KIF6: variants seen among roughly 807,000 people sequenced by gnomAD.
KIF6 encodes the protein kinesin family member 6.
In KIF6, 106 loss-of-function variants were observed where a neutral mutation model predicts 112.7. The ratio of observed to expected loss-of-function variants is 0.94; its 90% CI spans 0.80 to 1.11. The LOEUF (loss-of-function observed/expected upper bound fraction) is 1.11. Among genes scored for constraint, KIF6 ranks in the 50% least tolerant of loss-of-function variants. The pLI, the probability that KIF6 is intolerant of heterozygous loss-of-function variation, is 0.00. For synonymous variants in KIF6, 339 were observed against 339.9 expected, an observed-to-expected ratio of 1.00 and a Z score of 0.03; for missense variants, 929 against 964.0, an observed-to-expected ratio of 0.96 and a Z score of 0.48.
At chr6:39,337,184 T>TTTCC (rs1361180546) in intron 22 of KIF6, among the ~76,000 whole-genome samples, 3 of 89,086 alleles carry the variant, frequency 3.4e-5, no homozygotes, top group African/African-American at 2.5e-4. Context: ...TCTTTCTTTC[T>TTTCC]TTCTTTCTTT....
intron 10 of KIF6, among the ~76,000 whole-genome samples, chr6:39,574,823 A>C (rs985500775): frequency 1.2e-4 from 19 of 152,052 alleles, no homozygotes; most frequent in African/African-American, 4.3e-4. Context: ...TTTTCTTTTA[A>C]CCTTTCTCTT....
At chr6:39,696,809 T>C (rs563107024) in intron 3 of KIF6, among the ~76,000 whole-genome samples, 1 of 152,118 alleles carries the variant, frequency 6.6e-6, no homozygotes, top group South Asian at 2.1e-4. Flanking sequence ...CATCTCAAAG[T>C]ATTCACAGCC....
Position 39,342,769 on chromosome 6 carries a change from C to T in KIF6, c.2428+940G>A, listed in dbSNP as rs960572599. ...AGAGGATAGTAAATAAGCAGGCTGG[C>T]GGCCAAGCAAGGCGAGTACAGGACC... On this transcript the variant is annotated intron_variant, in intron 22 of 22. Transcript: ENST00000287152. This position sits in a 1 kb window ranked among gnomAD's most constrained non-coding sequence, Gnocchi z 4.7. The T allele has an allele frequency of 6.9e-5, 68 of 984,648 alleles. No individual in the cohort carries two copies. The East Asian group carries it at 1.0e-3, about 15-fold the overall frequency. 61.0% of individuals were successfully genotyped at this position (984,648 alleles called of 1,614,324 possible). A position where few individuals can be genotyped will look rare whatever the true frequency, so the allele number is the denominator to read the frequency against.
chr6:39,639,658 T>A lies in KIF6; in HGVS notation c.351A>T (p.Arg117Ser). The part of the protein sequence containing the change: ...ITGGAERYSD[R>S]GIIPRTLSYI... ...ATGACAGTGTCCTTGGGATAATGCC[T>A]CTGTCACTGTAACGCTCTGCACCCC... The change falls in exon 4 of 23, where the codon AGA becomes AGT. Residue 117 changes from arginine (R) to serine (S), a missense_variant. Physicochemically the swap from Arg to Ser is moderately radical, Grantham distance 110. Around this residue, in one of 2 missense-constraint regions of KIF6, gnomAD observed 688 missense variants for 662.7 expected, o/e 1.04. Coordinates refer to ENST00000287152, the MANE Select transcript of KIF6 (RefSeq NM_145027.6). 1 of 1,609,360 alleles carries A rather than the reference T, an allele frequency of 6.2e-7. No individual in the cohort carries two copies. Among genetic ancestry groups the A allele is most frequent in the Non-Finnish European group, 8.5e-7 (1 of 1,178,024 alleles).
At chr6:39,680,528 G>C (rs927153535) in intron 3 of KIF6, among the ~76,000 whole-genome samples, 1 of 152,160 alleles carries the variant, frequency 6.6e-6, no homozygotes, top group African/African-American at 2.4e-5. Context: ...CTGTAGAAGG[G>C]AAATGGGTCA....
intron 3 of KIF6, among the ~76,000 whole-genome samples, chr6:39,684,974 G>A (rs532508151): frequency 6.6e-6 from 1 of 152,260 alleles, no homozygotes; most frequent in East Asian, 1.9e-4. Context: ...CAGCAGGGCA[G>A]AGAAGACAGA....
chr6:39,705,567 C>T (rs917176652), intron 3 of KIF6, among the ~76,000 whole-genome samples: 9 of 152,202 alleles, frequency 5.9e-5, no homozygotes, highest in African/African-American at 1.9e-4. Flanking sequence ...TGACACTATT[C>T]TAGGAGCCAG....
At chr6:39,583,674 C>CT (rs564229262) in intron 9 of KIF6, among the ~76,000 whole-genome samples, 2,045 of 71,704 alleles carry the variant, frequency 0.029, 573 homozygotes, top group Non-Finnish European at 0.042. Flanking sequence ...GATTTCACTT[C>CT]TTTTTTTTTT....
At chr6:39,611,341 A>C (rs2150716473) in intron 6 of KIF6, among the ~76,000 whole-genome samples, 1 of 152,306 alleles carries the variant, frequency 6.6e-6, no homozygotes, top group Non-Finnish European at 1.5e-5. Context: ...AATTTTAAAA[A>C]AGACTTGGAA....
intron 19 of KIF6, among the ~76,000 whole-genome samples, chr6:39,350,475 G>T (rs540625082): frequency 1.3e-5 from 2 of 152,100 alleles, no homozygotes; most frequent in Admixed American, 1.3e-4. Context: ...CCTGTAAAGT[G>T]GGGGACCATG....
chr6:39,686,209 C>T (rs917749238), intron 3 of KIF6, among the ~76,000 whole-genome samples: 24 of 152,172 alleles, frequency 1.6e-4, no homozygotes, highest in Non-Finnish European at 3.1e-4. Flanking sequence ...ATAGATCTGT[C>T]TGGATTTCAA....
At chr6:39,610,519 C>T (rs1042429654) in intron 6 of KIF6, among the ~76,000 whole-genome samples, 8 of 152,240 alleles carry the variant, frequency 5.3e-5, no homozygotes, top group South Asian at 2.1e-4. Context: ...AAAAATGATT[C>T]GTTTGTTCTT....
chr6:39,543,336 C>G (rs1437628481), intron 12 of KIF6, among the ~76,000 whole-genome samples: 1 of 152,012 alleles, frequency 6.6e-6, no homozygotes, highest in Non-Finnish European at 1.5e-5. Flanking sequence ...GTGAGGGTGA[C>G]AACACCATGG....
chr6:39,341,620 T>A (rs918618525), intron 22 of KIF6, among the ~76,000 whole-genome samples: 1 of 152,224 alleles, frequency 6.6e-6, no homozygotes, highest in Non-Finnish European at 1.5e-5. Context: ...ACCTGTCTAC[T>A]CGACACCTCC....
intron 13 of KIF6, among the ~76,000 whole-genome samples, chr6:39,432,029 A>G (rs1371874167): frequency 1.3e-5 from 2 of 151,856 alleles, no homozygotes; most frequent in African/African-American, 4.8e-5. Flanking sequence ...TTCCTCCAGT[A>G]ACTCTACCTC....
chr6:39,610,183 C>T (rs1004235039), intron 6 of KIF6, among the ~76,000 whole-genome samples: 1 of 152,146 alleles, frequency 6.6e-6, no homozygotes, highest in Non-Finnish European at 1.5e-5. Flanking sequence ...GGGTCACACA[C>T]AGTTCAGCTT....
intron 13 of KIF6, among the ~76,000 whole-genome samples, chr6:39,532,988 G>A (rs1778158390): frequency 6.6e-6 from 1 of 152,198 alleles, no homozygotes; most frequent in Non-Finnish European, 1.5e-5. Flanking sequence ...GTAGTAGCAG[G>A]ACTGACACAC....
intron 10 of KIF6, among the ~76,000 whole-genome samples, chr6:39,551,194 C>T (rs948337767): frequency 6.6e-6 from 1 of 152,166 alleles, no homozygotes; most frequent in Admixed American, 6.5e-5. Context: ...TTTGCAACAA[C>T]ATATTTAGAA....
At chr6:39,636,618 G>C (rs537090319) in intron 4 of KIF6, among the ~76,000 whole-genome samples, 1 of 152,032 alleles carries the variant, frequency 6.6e-6, no homozygotes, top group South Asian at 2.1e-4. Flanking sequence ...ATATTCCATG[G>C]AATACTCCTG....
Sources: allele counts gnomAD v4.1 joint callset (sites outside exome capture counted in the v4.1 genomes callset), GRCh38; gene constraint gnomAD v4.1.1; regional missense constraint gnomAD v4.1.1; non-coding constraint Gnocchi (gnomAD v3.1); transcripts MANE v1.5; gene names NCBI Gene and HGNC (gene_info 2026-07-23, HGNC 2026-07-21).